PRDM16: variants seen among roughly 807,000 people sequenced by gnomAD.
PRDM16 encodes the protein PR/SET domain 16.
A neutral mutation model predicts 110.6 loss-of-function variants in PRDM16; 23 were observed. That is an observed-to-expected ratio of 0.21 (90% confidence interval 0.15 to 0.29). The LOEUF (loss-of-function observed/expected upper bound fraction) is 0.29. Ranked by LOEUF, PRDM16 falls within the 10% of genes least tolerant of loss-of-function variation. The pLI is 1.00. For synonymous variants in PRDM16, 799 were observed against 781.8 expected (o/e 1.02, Z -0.37); for missense variants, 1,615 against 1,794.3 (o/e 0.90, Z 1.81).
At chr1:3,158,599 C>T (rs1643875130) in intron 1 of PRDM16, among the ~76,000 whole-genome samples, 1 of 152,090 alleles carries the variant, frequency 6.6e-6, no homozygotes, top group Non-Finnish European at 1.5e-5. Flanking sequence ...GCTCAACCAG[C>T]TGTTATGGGG....
At chr1:3,221,734 T>G (rs1472976850) in intron 2 of PRDM16, among the ~76,000 whole-genome samples, 1 of 152,196 alleles carries the variant, frequency 6.6e-6, no homozygotes, top group Non-Finnish European at 1.5e-5. Flanking sequence ...CACATACACA[T>G]GCACAGACGC....
intron 8 of PRDM16, among the ~76,000 whole-genome samples, chr1:3,411,087 C>T (rs1013309828): frequency 6.6e-5 from 10 of 152,156 alleles, no homozygotes; most frequent in Non-Finnish European, 1.0e-4. Context: ...TGTGTGCACA[C>T]GTGTGCACAC....
chr1:3,282,466 T>C lies in PRDM16; in HGVS notation c.438+38329T>C, dbSNP rs148434890. 4.7e-3 allele frequency among the ~76,000 whole-genome samples: 721 copies of C among 152,246 alleles called. 5 individuals are homozygous for C. Among genetic ancestry groups the C allele is most frequent in the African/African-American group, 0.016 (680 of 41,566 alleles). The stretch of plus-strand genomic sequence containing the variant: ...GGGCCAGCGCCGCAGGGCCCCCTGG[T>C]TTGGAAAGCCTGTTCCTCAGCTCTG... On this transcript the variant is annotated intron_variant, in intron 3 of 16. Coordinates refer to ENST00000270722, the MANE Select transcript of PRDM16 (RefSeq NM_022114.4).
At chr1:3,210,808 T>G (rs900804531) in intron 2 of PRDM16, among the ~76,000 whole-genome samples, 3 of 152,278 alleles carry the variant, frequency 2.0e-5, no homozygotes, top group Non-Finnish European at 4.4e-5. Context: ...TCGTTAGATA[T>G]CGCTTTGTCC....
intron 3 of PRDM16, among the ~76,000 whole-genome samples, chr1:3,321,646 T>C (rs1641751928): frequency 6.6e-6 from 1 of 151,824 alleles, no homozygotes. Context: ...TATGTGTGAT[T>C]GTGATGTGCC....
chr1:3,265,384 G>A lies in PRDM16; in HGVS notation c.438+21247G>A, dbSNP rs564743341. On this transcript the variant is annotated intron_variant, in intron 3 of 16. Coordinates refer to ENST00000270722, the MANE Select transcript of PRDM16 (RefSeq NM_022114.4). The surrounding 1 kb of genome is among the most constrained non-coding windows in gnomAD (Gnocchi z 4.5). ...GGCACAGCTCATGGGGAGGCCTGAC[G>A]GGCCTGAGACTGATGATGTGAAGGG... Among the ~76,000 whole-genome samples the A allele has an allele frequency of 2.6e-5, 4 of 152,028 alleles. No individual in the cohort carries two copies. Among genetic ancestry groups the A allele is most frequent in the African/African-American group, 9.7e-5 (4 of 41,392 alleles).
rs748782487 is a variant in PRDM16, at chr1:3,245,488, C to T, written c.438+1351C>T. Among the ~76,000 whole-genome samples, 237 of 152,224 alleles carry T rather than the reference C, an allele frequency of 1.6e-3. No homozygotes were observed. Among genetic ancestry groups the T allele is most frequent in the Non-Finnish European group, 2.6e-3 (178 of 68,040 alleles). ...GACTTTTGCTGGGCCCGCAGTGACCCGCTGAAGGGCCTCCGGAAACTGGGT... is the reference window on the plus strand; with the variant it reads ...GACTTTTGCTGGGCCCGCAGTGACCTGCTGAAGGGCCTCCGGAAACTGGGT... On this transcript the variant is annotated intron_variant, in intron 3 of 16. Transcript: ENST00000270722. The surrounding 1 kb of genome is among the most constrained non-coding windows in gnomAD (Gnocchi z 4.7).
At chr1:3,121,674 C>T (rs184372876) in intron 1 of PRDM16, among the ~76,000 whole-genome samples, 2 of 152,334 alleles carry the variant, frequency 1.3e-5, no homozygotes, top group East Asian at 3.9e-4. Flanking sequence ...GGACAGGGAA[C>T]CAGCTGATTA....
chr1:3,197,467 C>T (rs531614820), intron 2 of PRDM16, among the ~76,000 whole-genome samples: 2 of 152,330 alleles, frequency 1.3e-5, no homozygotes, highest in Admixed American at 6.5e-5. Context: ...CTGGCACAGG[C>T]CTGAGAGGCA....
At chr1:3,114,207 A>G (rs370631363) in intron 1 of PRDM16, among the ~76,000 whole-genome samples, 1,818 of 82,974 alleles carry the variant, frequency 0.022, 45 homozygotes, top group African/African-American at 0.083. Context: ...ACGCACGCAC[A>G]CACGCACACG....
At chr1:3,098,352 C>CGCA (rs2100612503) in intron 1 of PRDM16, among the ~76,000 whole-genome samples, 1 of 152,318 alleles carries the variant, frequency 6.6e-6, no homozygotes, top group South Asian at 2.1e-4. Flanking sequence ...AGGTCACCCT[C>CGCA]ACTGCCCACT....
At chr1:3,253,070 G>T (rs1437522708) in intron 3 of PRDM16, among the ~76,000 whole-genome samples, 1 of 152,020 alleles carries the variant, frequency 6.6e-6, no homozygotes, top group Non-Finnish European at 1.5e-5. Context: ...CAGAATGCTC[G>T]CCAGGCGCCA....
Position 3,412,070 on chromosome 1 carries a change from C to CTGGACAGCGACG in PRDM16, c.1885_1896dup (p.Val629_Asp632dup). ...CACGACCACGGGGACGGGCTCGGAC[C>CTGGACAGCGACG]TGGACAGCGACGTGGACAGCGACCC... On this transcript the variant is annotated inframe_insertion, in exon 9 of 17. Transcript: ENST00000270722. 2.5e-6 allele frequency: 4 copies of CTGGACAGCGACG among 1,603,950 alleles called. No individual in the cohort carries two copies. The highest frequency in any genetic ancestry group is 3.4e-6 in the Non-Finnish European group (4 of 1,173,698).
intron 1 of PRDM16, among the ~76,000 whole-genome samples, chr1:3,107,058 A>C (rs1642675184): frequency 6.6e-6 from 1 of 152,232 alleles, no homozygotes; most frequent in Non-Finnish European, 1.5e-5. Context: ...GCCTGGCAAG[A>C]GCAGCTCACA....
At chr1:3,150,754 G>C (rs1475022920) in intron 1 of PRDM16, among the ~76,000 whole-genome samples, 3 of 151,586 alleles carry the variant, frequency 2.0e-5, no homozygotes, top group Non-Finnish European at 2.9e-5. Context: ...AGTTTTTCCA[G>C]TCGCCAGTTG....
intron 1 of PRDM16, among the ~76,000 whole-genome samples, chr1:3,181,243 C>CGGTCTT (rs1298438837): frequency 8.6e-4 from 43 of 50,044 alleles, no homozygotes; most frequent in South Asian, 6.9e-3. Context: ...GTCTTACACA[C>CGGTCTT]AGTCTTACAC....
At chr1:3,109,381 C>T (rs779764241) in intron 1 of PRDM16, among the ~76,000 whole-genome samples, 1 of 152,118 alleles carries the variant, frequency 6.6e-6, no homozygotes, top group Non-Finnish European at 1.5e-5. Context: ...CCTGGGGAGG[C>T]AGCTGCATCC....
At chr1:3,227,336 A>T (rs536100303) in intron 2 of PRDM16, among the ~76,000 whole-genome samples, 18 of 152,396 alleles carry the variant, frequency 1.2e-4, no homozygotes, top group East Asian at 7.7e-4. Flanking sequence ...GCGATTAGGG[A>T]CAGGAACCAG....
intron 3 of PRDM16, among the ~76,000 whole-genome samples, chr1:3,249,944 TGAATCAAAGGCTGCA>T (rs1639887091): frequency 6.6e-6 from 1 of 152,206 alleles, no homozygotes; most frequent in African/African-American, 2.4e-5. Flanking sequence ...TTGATTTTGC[TGAATCAAAGGCTGCA>T]GGCAGAGAGG....
Sources: gnomAD v4.1 joint callset for allele counts (sites outside exome capture counted in the v4.1 genomes callset) on GRCh38, gnomAD v4.1.1 for gene constraint, Gnocchi (gnomAD v3.1) non-coding constraint, MANE v1.5 for transcripts, NCBI Gene and HGNC (gene_info 2026-07-23, HGNC 2026-07-21) for gene names.